The following UBE2E2 variants were observed in gnomAD, a reference collection of about 807,000 sequenced individuals.
The protein encoded by UBE2E2 is ubiquitin conjugating enzyme E2 E2.
Under a neutral mutation model 24.7 loss-of-function variants are expected in UBE2E2, and 6 were observed. The observed-to-expected ratio is 0.24, with a 90% CI of 0.13 to 0.48. The LOEUF (loss-of-function observed/expected upper bound fraction) is 0.48. UBE2E2 is among the 20% of genes least tolerant of loss of function. The pLI is 0.99. For synonymous variants in UBE2E2, 104 were observed against 83.6 expected (o/e 1.24, Z -1.33); for missense variants, 169 against 245.0 (o/e 0.69, Z 2.07).
intron 3 of UBE2E2, among the ~76,000 whole-genome samples, chr3:23,441,867 G>A (rs1162847606): frequency 2.6e-5 from 4 of 152,062 alleles, no homozygotes; most frequent in Non-Finnish European, 5.9e-5. Flanking sequence ...CTTCATTTGG[G>A]TCGTTTAAAA....
intron 3 of UBE2E2, among the ~76,000 whole-genome samples, chr3:23,259,831 C>T (rs1245395864): frequency 1.3e-5 from 2 of 152,124 alleles, no homozygotes; most frequent in Non-Finnish European, 2.9e-5. Flanking sequence ...GTGAAATTCA[C>T]CAGCTTTGCC....
At chr3:23,527,357 A>G (rs1470517378) in intron 4 of UBE2E2, among the ~76,000 whole-genome samples, 2 of 152,216 alleles carry the variant, frequency 1.3e-5, no homozygotes, top group African/African-American at 2.4e-5. Context: ...AAACACATAC[A>G]CAGATGTTCA....
chr3:23,242,030 C>T (rs891889171), intron 3 of UBE2E2, among the ~76,000 whole-genome samples: 4 of 152,184 alleles, frequency 2.6e-5, no homozygotes, highest in Admixed American at 6.5e-5. Flanking sequence ...CTGCCTCAGC[C>T]TCTCAAGTAG....
At chr3:23,448,955 CTT>C (rs886592100) in intron 3 of UBE2E2, among the ~76,000 whole-genome samples, 5 of 152,176 alleles carry the variant, frequency 3.3e-5, no homozygotes, top group African/African-American at 1.2e-4. Flanking sequence ...TCACCACAAA[CTT>C]ATATTTTCTG....
intron 3 of UBE2E2, among the ~76,000 whole-genome samples, chr3:23,315,175 T>G (rs920922549): frequency 1.3e-5 from 2 of 152,098 alleles, no homozygotes; most frequent in Non-Finnish European, 2.9e-5. Context: ...AAGACAAACT[T>G]CTTCCCACTC....
intron 4 of UBE2E2, among the ~76,000 whole-genome samples, chr3:23,511,620 G>C (rs1159581014): frequency 6.6e-6 from 1 of 152,132 alleles, no homozygotes; most frequent in Non-Finnish European, 1.5e-5. Context: ...AACCCAAACT[G>C]AATTTTTGAA....
chr3:23,378,009 C>G (rs1209087036), intron 3 of UBE2E2, among the ~76,000 whole-genome samples: 1 of 151,836 alleles, frequency 6.6e-6, no homozygotes, highest in African/African-American at 2.4e-5. Flanking sequence ...ACTCACAATA[C>G]CTAGTTTTGG....
intron 3 of UBE2E2, among the ~76,000 whole-genome samples, chr3:23,456,568 C>T (rs1402998110): frequency 2.0e-5 from 3 of 152,202 alleles, no homozygotes; most frequent in African/African-American, 7.2e-5. Flanking sequence ...TATACATCTC[C>T]ACCAGAGCTC....
chr3:23,419,353 G>A (rs1033744895), intron 3 of UBE2E2, among the ~76,000 whole-genome samples: 3 of 152,102 alleles, frequency 2.0e-5, no homozygotes, highest in Non-Finnish European at 4.4e-5. Flanking sequence ...AATATGGGAA[G>A]CAGTTACCAC....
intron 2 of UBE2E2, among the ~76,000 whole-genome samples, 160 bp from the exon 3 acceptor site, chr3:23,217,102 T>C (rs184567073): frequency 1.1e-4 from 17 of 152,268 alleles, no homozygotes; most frequent in Admixed American, 9.8e-4. Flanking sequence ...CTGGCAGAAA[T>C]TGCAACTTTA....
intron 4 of UBE2E2, among the ~76,000 whole-genome samples, chr3:23,511,308 AC>A (rs1254573321): frequency 1.3e-5 from 2 of 152,220 alleles, no homozygotes; most frequent in Non-Finnish European, 2.9e-5. Context: ...GGAGGGGATC[AC>A]CCTGTTGAGA....
chr3:23,221,069 G>A (rs1306057797), intron 3 of UBE2E2, among the ~76,000 whole-genome samples: 2 of 152,292 alleles, frequency 1.3e-5, no homozygotes, highest in Middle Eastern at 6.8e-3. Context: ...TTAGGTTTAC[G>A]AGCAGGGGAA....
chr3:23,308,607 T>A (rs1380722626), intron 3 of UBE2E2, among the ~76,000 whole-genome samples: 1 of 152,198 alleles, frequency 6.6e-6, no homozygotes, highest in Non-Finnish European at 1.5e-5. Flanking sequence ...ACACTTGACA[T>A]CTGTTAGTCT....
chr3:23,573,719 A>G (rs1363891076), intron 5 of UBE2E2, among the ~76,000 whole-genome samples: 5 of 152,210 alleles, frequency 3.3e-5, no homozygotes, highest in African/African-American at 2.4e-5. Flanking sequence ...GCCAGCTGCT[A>G]GGTGGTTCCT....
At chr3:23,315,697 G>A (rs893074759) in intron 3 of UBE2E2, among the ~76,000 whole-genome samples, 11 of 152,168 alleles carry the variant, frequency 7.2e-5, no homozygotes, top group Non-Finnish European at 1.2e-4. Context: ...GCATTGAAGA[G>A]TCAAGTATTT....
At chr3:23,288,030 G>T (rs1382717571) in intron 3 of UBE2E2, among the ~76,000 whole-genome samples, 1 of 151,930 alleles carries the variant, frequency 6.6e-6, no homozygotes, top group Non-Finnish European at 1.5e-5. Context: ...TTGTTTATTT[G>T]AAGTTTTTCT....
chr3:23,529,425 TGTACATG>T (rs1695070816), intron 4 of UBE2E2, among the ~76,000 whole-genome samples: 1 of 78,430 alleles, frequency 1.3e-5, no homozygotes. Context: ...TTCTTACAAC[TGTACATG>T]AATCTACAAT....
intron 3 of UBE2E2, among the ~76,000 whole-genome samples, chr3:23,323,976 T>A (rs765008277): frequency 2.6e-4 from 40 of 152,264 alleles, no homozygotes; most frequent in Non-Finnish European, 1.0e-4. Flanking sequence ...GCTCAGTAAA[T>A]GTTTTTAAAG....
chr3:23,446,699 G>GTTT (rs57327621), intron 3 of UBE2E2, among the ~76,000 whole-genome samples: 35,956 of 111,910 alleles, frequency 0.32, 5,856 homozygotes, highest in Middle Eastern at 0.41. Flanking sequence ...CGTCTGTTTG[G>GTTT]TTTTTTTTTT....
Sources: allele counts gnomAD v4.1 joint callset (sites outside exome capture counted in the v4.1 genomes callset), GRCh38; gene constraint gnomAD v4.1.1; transcripts MANE v1.5; gene names NCBI Gene and HGNC (gene_info 2026-07-23, HGNC 2026-07-21).